RAB30: variants seen among roughly 807,000 people sequenced by gnomAD.
The protein encoded by RAB30 is ras-related protein Rab-30.
In RAB30, 9 loss-of-function variants were observed where a neutral mutation model predicts 25.1. The observed-to-expected ratio is 0.36, with a 90% CI of 0.22 to 0.63. The LOEUF is 0.63. RAB30 is among the 20% of genes least tolerant of loss of function. The pLI is 0.69. For synonymous variants in RAB30, 77 were observed against 86.4 expected (o/e 0.89, Z 0.60); for missense variants, 140 against 243.5 (o/e 0.58, Z 2.83).
intron 1 of RAB30, among the ~76,000 whole-genome samples, chr11:83,021,195 T>C (rs1857570336): frequency 6.6e-6 from 1 of 152,212 alleles, no homozygotes; most frequent in African/African-American, 2.4e-5. Context: ...GTGTACCTCA[T>C]TCTTCCTGGT....
chr11:83,045,763 C>A (rs1858221022), intron 1 of RAB30, among the ~76,000 whole-genome samples: 1 of 152,134 alleles, frequency 6.6e-6, no homozygotes, highest in Non-Finnish European at 1.5e-5. Context: ...ATTATAGTAA[C>A]TTTAGGTAAA....
rs770235235 is a variant in RAB30 at position 82,978,370 on chromosome 11, TAATA to T, written c.*3791_*3794del. 8.6e-5 allele frequency: 13 copies of T among 151,990 alleles called. No homozygotes were observed. The highest frequency in any genetic ancestry group is 2.6e-4 in the Admixed American group (4 of 15,232). 9.4% of individuals were successfully genotyped at this position (151,990 alleles called of 1,614,324 possible). A position where few individuals can be genotyped will look rare whatever the true frequency, so the allele number is the denominator to read the frequency against. ...TTAGATTTTTGCCCTAAATGACAGGTAATAAATCTAAACTTAGGAACATTTCCTC... is the reference window on the plus strand; with the variant it reads ...TTAGATTTTTGCCCTAAATGACAGGTAATCTAAACTTAGGAACATTTCCTC... On this transcript the variant is annotated 3_prime_UTR_variant, in exon 5 of 5. Coordinates refer to ENST00000527633, the MANE Select transcript of RAB30 (RefSeq NM_001286060.2).
chr11:83,021,580 TCAC>T (rs1425578772), intron 1 of RAB30, among the ~76,000 whole-genome samples: 3 of 152,236 alleles, frequency 2.0e-5, no homozygotes, highest in Non-Finnish European at 4.4e-5. Flanking sequence ...GACTCCATGC[TCAC>T]TCACACACCT....
intron 3 of RAB30, among the ~76,000 whole-genome samples, chr11:82,991,596 A>G (rs188131324): frequency 1.3e-5 from 2 of 151,886 alleles, no homozygotes; most frequent in Admixed American, 1.3e-4. Context: ...GTTGTTCCTC[A>G]TATGCCTACA....
At chr11:83,004,878 C>T (rs537384815) in intron 1 of RAB30, among the ~76,000 whole-genome samples, 1 of 152,240 alleles carries the variant, frequency 6.6e-6, no homozygotes, top group South Asian at 2.1e-4. Flanking sequence ...TTCCGCCTAA[C>T]AAGGTTCTGT....
At chr11:83,058,768 G>A (rs960097910) in intron 1 of RAB30, among the ~76,000 whole-genome samples, 2 of 152,188 alleles carry the variant, frequency 1.3e-5, no homozygotes, top group African/African-American at 2.4e-5. Flanking sequence ...TTTGAGACTA[G>A]ACATCCCCTA....
intron 3 of RAB30, among the ~76,000 whole-genome samples, chr11:82,990,371 T>C (rs756810366): frequency 7.9e-5 from 12 of 152,190 alleles, no homozygotes; most frequent in Non-Finnish European, 1.6e-4. Context: ...GAACAAAGGA[T>C]TGTGGAATCA....
At chr11:83,069,807 G>C (rs1215100444) in intron 1 of RAB30, among the ~76,000 whole-genome samples, 1 of 152,136 alleles carries the variant, frequency 6.6e-6, no homozygotes, top group Non-Finnish European at 1.5e-5. Context: ...TGCTGCTGGG[G>C]CTAAATTATG....
At chr11:83,001,355 T>C (rs1857081278) in intron 1 of RAB30, among the ~76,000 whole-genome samples, 1 of 152,164 alleles carries the variant, frequency 6.6e-6, no homozygotes, top group Non-Finnish European at 1.5e-5. Context: ...TTTTAAATTT[T>C]TTTTGTAGAG....
intron 1 of RAB30, among the ~76,000 whole-genome samples, chr11:83,022,306 C>G (rs111650532): frequency 6.6e-6 from 1 of 152,252 alleles, no homozygotes; most frequent in African/African-American, 2.4e-5. Flanking sequence ...ACTACAAGCA[C>G]ATGCCACCAC....
chr11:83,003,573 C>G (rs1857130533), intron 1 of RAB30, among the ~76,000 whole-genome samples: 1 of 152,252 alleles, frequency 6.6e-6, no homozygotes, highest in Non-Finnish European at 1.5e-5. Context: ...CAGGCATGCA[C>G]CACCATGCCT....
intron 3 of RAB30, among the ~76,000 whole-genome samples, chr11:82,990,400 A>G (rs1383739393): frequency 1.3e-5 from 2 of 152,236 alleles, no homozygotes; most frequent in East Asian, 1.9e-4. Flanking sequence ...GAACTGGTCA[A>G]TTCTACTTAA....
At chr11:83,010,210 G>A (rs1857274701) in intron 1 of RAB30, among the ~76,000 whole-genome samples, 1 of 152,208 alleles carries the variant, frequency 6.6e-6, no homozygotes. Flanking sequence ...CAGTGCTTTG[G>A]GAGGGCAAGA....
Position 83,004,638 on chromosome 11 carries a change from G to C in RAB30, c.-8-7314C>G, listed in dbSNP as rs935022898. 1.3e-5 allele frequency among the ~76,000 whole-genome samples: 2 copies of C among 152,164 alleles called. 1 individual carries two copies. The highest frequency in any genetic ancestry group is 4.1e-4 in the South Asian group (2 of 4,830). On this transcript the variant is annotated intron_variant, in intron 1 of 4. Transcript: ENST00000527633. ...AGGGTGGGTTCAGACTGGCACGGGG[G>C]CTCAGCAGGTGAATCTCACCCTCTT... is the stretch of plus-strand genomic sequence containing the variant.
At chr11:83,005,303 A>G (rs1038979638) in intron 1 of RAB30, among the ~76,000 whole-genome samples, 1 of 152,204 alleles carries the variant, frequency 6.6e-6, no homozygotes, top group Non-Finnish European at 1.5e-5. Context: ...GCCAGAACAC[A>G]CTATGTGTCC....
chr11:83,023,752 C>A (rs980965566), intron 1 of RAB30, among the ~76,000 whole-genome samples: 2 of 152,142 alleles, frequency 1.3e-5, no homozygotes, highest in African/African-American at 4.8e-5. Flanking sequence ...ATTTTGCCAG[C>A]CTCAATTCTC....
chr11:83,027,319 G>A (rs139751783), intron 1 of RAB30, among the ~76,000 whole-genome samples: 11 of 152,236 alleles, frequency 7.2e-5, no homozygotes, highest in East Asian at 1.9e-4. Context: ...AGTATCCAGC[G>A]TGGATGAGGG....
At chr11:83,016,797 A>G (rs1230013988) in intron 1 of RAB30, among the ~76,000 whole-genome samples, 1 of 152,230 alleles carries the variant, frequency 6.6e-6, no homozygotes, top group East Asian at 1.9e-4. Flanking sequence ...GGGAGCACCA[A>G]TGCAAACACA....
At chr11:83,064,300 G>T (rs1221245248) in intron 1 of RAB30, among the ~76,000 whole-genome samples, 3 of 152,046 alleles carry the variant, frequency 2.0e-5, no homozygotes, top group Non-Finnish European at 4.4e-5. Context: ...TAGAGACAGA[G>T]TTTCACCATG....
Sources: allele counts gnomAD v4.1 joint callset (sites outside exome capture counted in the v4.1 genomes callset), GRCh38; gene constraint gnomAD v4.1.1; transcripts MANE v1.5; gene names NCBI Gene and HGNC (gene_info 2026-07-23, HGNC 2026-07-21).